DCC: variants seen among roughly 807,000 people sequenced by gnomAD.
DCC encodes netrin receptor DCC.
Under a neutral mutation model 172.5 loss-of-function variants are expected in DCC, and 58 were observed. That is an observed-to-expected ratio of 0.34 (90% CI 0.27 to 0.42). The LOEUF is 0.42. Among genes scored for constraint, DCC ranks in the 10% least tolerant of loss-of-function variants. The probability of loss-of-function intolerance (pLI) is 1.00; values close to 1 mark genes in which losing one functional copy is unlikely to be tolerated. For synonymous variants in DCC, 709 were observed against 644.5 expected, an observed-to-expected ratio of 1.10 and a Z score of -1.52; for missense variants, 1,740 against 1,791.0, an observed-to-expected ratio of 0.97 and a Z score of 0.51.
At chr18:52,521,160 T>C (rs1243854256) in intron 1 of DCC, among the ~76,000 whole-genome samples, 1 of 149,500 alleles carries the variant, frequency 6.7e-6, no homozygotes, top group Non-Finnish European at 1.5e-5. Context: ...TGAAAAAAAA[T>C]GCATACTTGA....
In DCC at chr18:52,582,389, A is replaced by G. The variant is rs930675667; in HGVS notation, c.92-169665A>G. Among the ~76,000 whole-genome samples the G allele has an allele frequency of 2.6e-5, 4 of 152,192 alleles. 1 individual carries two copies. The highest frequency in any genetic ancestry group is 4.4e-5 in the Non-Finnish European group (3 of 68,032). On this transcript the variant is annotated intron_variant, in intron 1 of 28. Coordinates refer to ENST00000442544, the MANE Select transcript of DCC (RefSeq NM_005215.4). Reference sequence around the variant, plus strand: ...TGATGTAAAAAGTAGTTGAATTATGAGGCTTAATGGCATTTAGCATCTTTA... The same window carrying G: ...TGATGTAAAAAGTAGTTGAATTATGGGGCTTAATGGCATTTAGCATCTTTA...
At position 53,530,618 on chromosome 18, in the gene DCC, A is replaced by G. The variant is rs1302860560; in HGVS notation, c.4309A>G (p.Lys1437Glu). The change falls in exon 29 of 29, where the codon AAG (lysine) becomes GAG (glutamate). Residue 1437 changes from lysine (K) to glutamate (E), a missense_variant. This residue lies in a region of DCC where 8 missense variants were observed against 23.6 expected (regional missense o/e 0.34). Transcript: ENST00000442544. ...AATGGCAAGTTTGGAAGGACTCATG[A>G]AGCAGCTTAATGCCATCACAGGCTC... The part of the protein sequence containing the change: ...EQMASLEGLM[K>E]QLNAITGSAF The G allele has an allele frequency of 1.2e-6, 2 of 1,603,690 alleles. No individual in the cohort carries two copies. Among genetic ancestry groups the G allele is most frequent in the Non-Finnish European group, 8.5e-7 (1 of 1,170,588 alleles).
chr18:52,372,745 T>C (rs757761834), intron 1 of DCC, among the ~76,000 whole-genome samples: 4 of 152,170 alleles, frequency 2.6e-5, no homozygotes, highest in Non-Finnish European at 5.9e-5. Flanking sequence ...AGCTTAGATA[T>C]CAAAGTATTT....
At chr18:52,510,018 C>T (rs541969839) in intron 1 of DCC, among the ~76,000 whole-genome samples, 12 of 152,024 alleles carry the variant, frequency 7.9e-5, no homozygotes, top group Non-Finnish European at 1.0e-4. Context: ...GCAGAAGAAT[C>T]GCTTGAACCC....
intron 1 of DCC, among the ~76,000 whole-genome samples, chr18:52,638,283 A>C (rs1183158093): frequency 6.6e-6 from 1 of 152,030 alleles, no homozygotes; most frequent in African/African-American, 2.4e-5. Context: ...CAAAAAACAA[A>C]AAAAAACAAA....
At chr18:53,150,560 T>C (rs754172952) in intron 7 of DCC, among the ~76,000 whole-genome samples, 2 of 152,068 alleles carry the variant, frequency 1.3e-5, no homozygotes, top group East Asian at 3.9e-4. Context: ...ATTGTTGGAG[T>C]CCAGGGAAGT....
rs558558753 is a variant in DCC at position 53,140,299 on chromosome 18, A to G, written c.1262-17057A>G. ...CCAAATTAAACAAGCTTTTATCTGCATGGCTCAGTGTCAACTCAGATTAAT... is the reference window on the plus strand; with the variant it reads ...CCAAATTAAACAAGCTTTTATCTGCGTGGCTCAGTGTCAACTCAGATTAAT... On this transcript the variant is annotated intron_variant, in intron 7 of 28. Coordinates refer to ENST00000442544, the MANE Select transcript of DCC (RefSeq NM_005215.4). Among the ~76,000 whole-genome samples the G allele has an allele frequency of 3.9e-5, 6 of 152,350 alleles. No individual in the cohort carries two copies. The South Asian group carries it at 1.0e-3, about 26-fold the overall frequency.
intron 26 of DCC, among the ~76,000 whole-genome samples, chr18:53,498,402 T>G (rs891810161): frequency 1.3e-5 from 2 of 152,188 alleles, no homozygotes; most frequent in Admixed American, 1.3e-4. Flanking sequence ...AAAAAATATT[T>G]TATTAATACT....
intron 5 of DCC, among the ~76,000 whole-genome samples, chr18:52,936,084 A>C (rs1337738986): frequency 6.6e-6 from 1 of 152,094 alleles, no homozygotes; most frequent in Non-Finnish European, 1.5e-5. Context: ...TTTGATCCTA[A>C]ATGTAGGATA....
intron 2 of DCC, among the ~76,000 whole-genome samples, chr18:52,765,344 C>A (rs1372000933): frequency 1.3e-5 from 2 of 152,102 alleles, no homozygotes. Flanking sequence ...TGCACCCAGA[C>A]TCTAGCCTCA....
intron 1 of DCC, among the ~76,000 whole-genome samples, chr18:52,392,561 G>A (rs551738803): frequency 6.6e-6 from 1 of 152,186 alleles, no homozygotes; most frequent in Admixed American, 6.5e-5. Flanking sequence ...TAGTTCTAAT[G>A]GGCAGTGCAT....
At position 52,340,748 on chromosome 18, in the gene DCC, G is replaced by T; in HGVS notation, c.-40G>T. 6.7e-7 allele frequency: 1 copy of T among 1,502,860 alleles called. No individual in the cohort carries two copies. Among genetic ancestry groups the T allele is most frequent in the Non-Finnish European group, 9.3e-7 (1 of 1,079,286 alleles). 93.1% of individuals were successfully genotyped at this position (1,502,860 alleles called of 1,614,324 possible). A position where few individuals can be genotyped will look rare whatever the true frequency, so the allele number is the denominator to read the frequency against. ...TGAGTGCATGTGTGTGAGTGCTGCCGCTGCCCGCGACCCCTGGCCCCGAAG... is the reference window on the plus strand; with the variant it reads ...TGAGTGCATGTGTGTGAGTGCTGCCTCTGCCCGCGACCCCTGGCCCCGAAG... On this transcript the variant is annotated 5_prime_UTR_variant, in exon 1 of 29. Transcript: ENST00000442544.
intron 15 of DCC, among the ~76,000 whole-genome samples, chr18:53,348,572 TCTGTATG>T (rs2057751708): frequency 1.3e-5 from 2 of 152,160 alleles, no homozygotes; most frequent in Non-Finnish European, 2.9e-5. Context: ...CAGTAGGGAC[TCTGTATG>T]GGGGCTCTGA....
chr18:52,434,909 A>C (rs775938219), intron 1 of DCC, among the ~76,000 whole-genome samples: 12 of 152,070 alleles, frequency 7.9e-5, no homozygotes, highest in Non-Finnish European at 1.8e-4. Flanking sequence ...ATACCAGTAA[A>C]TCTTTGTTGT....
intron 12 of DCC, among the ~76,000 whole-genome samples, chr18:53,222,115 G>C (rs2055941861): frequency 6.6e-6 from 1 of 152,030 alleles, no homozygotes; most frequent in Non-Finnish European, 1.5e-5. Flanking sequence ...TCTTTTTTCA[G>C]TGAAATTACA....
chr18:53,040,830 C>A (rs894019451), intron 5 of DCC, among the ~76,000 whole-genome samples: 5 of 151,852 alleles, frequency 3.3e-5, no homozygotes, highest in Admixed American at 1.3e-4. Context: ...CAGGGAGCTG[C>A]AAATGTGGAA....
intron 21 of DCC, among the ~76,000 whole-genome samples, chr18:53,431,917 T>C (rs1911644465): frequency 6.6e-6 from 1 of 152,218 alleles, no homozygotes; most frequent in African/African-American, 2.4e-5. Context: ...TGAAATTTAT[T>C]ACGTGATTTC....
At chr18:52,765,635 G>C (rs538848004) in intron 2 of DCC, among the ~76,000 whole-genome samples, 13 of 152,136 alleles carry the variant, frequency 8.5e-5, no homozygotes, top group African/African-American at 3.1e-4. Context: ...TCTTTACAAG[G>C]CTCCTAGACA....
chr18:52,865,662 G>A (rs1232834306), intron 2 of DCC, among the ~76,000 whole-genome samples: 1 of 151,676 alleles, frequency 6.6e-6, no homozygotes, highest in African/African-American at 2.4e-5. Flanking sequence ...TTTGAGAAGG[G>A]TCTGTTCATA....
Sources: allele counts gnomAD v4.1 joint callset (sites outside exome capture counted in the v4.1 genomes callset), GRCh38; gene constraint gnomAD v4.1.1; regional missense constraint gnomAD v4.1.1; transcripts MANE v1.5; gene names NCBI Gene and HGNC (gene_info 2026-07-23, HGNC 2026-07-21).